Variants in NRG1 observed in about 807,000 individuals in gnomAD.
The protein encoded by NRG1 is pro-neuregulin-1, membrane-bound isoform.
NRG1 carries 18 observed loss-of-function variants against 63.8 expected under a neutral mutation model. The observed-to-expected ratio is 0.28, with a 90% CI of 0.19 to 0.42. NRG1 has a LOEUF of 0.42. Ranked by LOEUF, NRG1 falls within the 10% of genes least tolerant of loss-of-function variation. The pLI is 1.00. For missense variants in NRG1, 762 were observed against 814.7 expected (o/e 0.94, Z 0.79); for synonymous variants, 302 against 301.3 (o/e 1.00, Z -0.02).
chr8:32,453,516 G>A (rs775453100), intron 1 of NRG1, among the ~76,000 whole-genome samples: 3 of 152,168 alleles, frequency 2.0e-5, no homozygotes, highest in Admixed American at 6.5e-5. Context: ...CAGGAGAAGA[G>A]CAAATGCAAG....
At chr8:32,549,235 C>A (rs1041773786) in intron 1 of NRG1, among the ~76,000 whole-genome samples, 15 of 152,254 alleles carry the variant, frequency 9.9e-5, no homozygotes, top group African/African-American at 3.4e-4. Flanking sequence ...TGCCCTCTAG[C>A]GGGAAACGCT....
intron 1 of NRG1, among the ~76,000 whole-genome samples, chr8:31,831,094 C>T (rs560899304): frequency 3.4e-4 from 52 of 151,592 alleles, no homozygotes; most frequent in South Asian, 6.2e-4. Flanking sequence ...TGCTGCTGCT[C>T]CTCCTCTTTC....
intron 1 of NRG1, among the ~76,000 whole-genome samples, chr8:32,303,817 TGAA>T (rs1236529625): frequency 6.6e-6 from 1 of 152,222 alleles, no homozygotes; most frequent in African/African-American, 2.4e-5. Context: ...TACTGCATCA[TGAA>T]GAAACCTAAC....
At chr8:32,437,431 G>A (rs1003572702) in intron 1 of NRG1, among the ~76,000 whole-genome samples, 4 of 152,156 alleles carry the variant, frequency 2.6e-5, no homozygotes, top group Admixed American at 1.3e-4. Context: ...TGACAGAAAG[G>A]ATAGGTCATG....
At chr8:32,751,622 G>C (rs1470482533) in intron 7 of NRG1, among the ~76,000 whole-genome samples, 1 of 152,144 alleles carries the variant, frequency 6.6e-6, no homozygotes, top group Non-Finnish European at 1.5e-5. Context: ...AAGGGTTGTA[G>C]TGCATCTGGT....
downstream of NRG1, among the ~76,000 whole-genome samples, chr8:32,768,972 C>T (rs1244787594): frequency 6.6e-6 from 1 of 152,132 alleles, no homozygotes; most frequent in Non-Finnish European, 1.5e-5. Context: ...CTAGTTTTTC[C>T]TATTTATATT....
chr8:32,136,509 T>C (rs1835546416), intron 1 of NRG1, among the ~76,000 whole-genome samples: 1 of 152,234 alleles, frequency 6.6e-6, no homozygotes, highest in South Asian at 2.1e-4. Flanking sequence ...TCACAGATAG[T>C]AGGCCATTGT....
intron 1 of NRG1, among the ~76,000 whole-genome samples, chr8:32,052,703 C>T (rs1459350897): frequency 1.3e-5 from 2 of 152,130 alleles, no homozygotes; most frequent in Non-Finnish European, 2.9e-5. Context: ...CCTTAGTTTA[C>T]CTTGCTTTTG....
At chr8:32,164,254 A>AG (rs386412507) in intron 1 of NRG1, among the ~76,000 whole-genome samples, 1 of 151,712 alleles carries the variant, frequency 6.6e-6, no homozygotes, top group Non-Finnish European at 1.5e-5. Context: ...AAAGAAAAAA[A>AG]AAAACTCAAC....
chr8:32,334,963 G>C (rs113245306), intron 1 of NRG1, among the ~76,000 whole-genome samples: 3 of 152,234 alleles, frequency 2.0e-5, no homozygotes, highest in African/African-American at 7.2e-5. Flanking sequence ...GTCACTTTAA[G>C]TGTATTTCTC....
chr8:32,440,780 A>T (rs571369412), intron 1 of NRG1: 13 of 152,314 alleles, frequency 8.5e-5, no homozygotes, highest in African/African-American at 3.1e-4. Context: ...GTTCACCAAC[A>T]TGTATGCCAT....
At chr8:32,649,375 G>A (rs1381333815) in intron 5 of NRG1, among the ~76,000 whole-genome samples, 2 of 152,046 alleles carry the variant, frequency 1.3e-5, no homozygotes, top group African/African-American at 2.4e-5. Context: ...GTTTTCTGTA[G>A]CCTTTTAAAA....
At chr8:32,704,238 AGT>A (rs1370533889) in intron 5 of NRG1, among the ~76,000 whole-genome samples, 5 of 152,358 alleles carry the variant, frequency 3.3e-5, no homozygotes, top group African/African-American at 9.6e-5. Flanking sequence ...TTAAGTAAAA[AGT>A]GTGACCACTT....
chr8:31,946,162 C>A (rs975515213), intron 1 of NRG1, among the ~76,000 whole-genome samples: 1 of 152,190 alleles, frequency 6.6e-6, no homozygotes, highest in Admixed American at 6.5e-5. Flanking sequence ...AACAATTCAT[C>A]ATTTGTCTGA....
chr8:31,755,985 G>GAA (rs1484535395), intron 1 of NRG1, among the ~76,000 whole-genome samples: 1 of 152,080 alleles, frequency 6.6e-6, no homozygotes, highest in African/African-American at 2.4e-5. Flanking sequence ...GAGAGAAGCT[G>GAA]AAATTATTTA....
intron 1 of NRG1, among the ~76,000 whole-genome samples, chr8:32,172,775 A>G (rs1477117894): frequency 6.6e-6 from 1 of 152,222 alleles, no homozygotes; most frequent in Non-Finnish European, 1.5e-5. Context: ...TGAAGCAAGA[A>G]GAGAAGTTTA....
At chr8:32,657,408 C>T (rs1393652093) in intron 5 of NRG1, among the ~76,000 whole-genome samples, 1 of 152,120 alleles carries the variant, frequency 6.6e-6, no homozygotes, top group East Asian at 1.9e-4. Flanking sequence ...CTCCACACTT[C>T]TCTCTCCCAC....
rs539688753 is a variant in NRG1 at position 32,283,350 on chromosome 8, A to G, written c.38-312478A>G. 1.4e-4 allele frequency among the ~76,000 whole-genome samples: 22 copies of G among 152,284 alleles called. No homozygotes were observed. The South Asian group carries it at 4.1e-3, about 29-fold the overall frequency. On this transcript the variant is annotated intron_variant, in intron 1 of 10. Transcript: ENST00000519301. ...TTTATGCATTACTGATATGACTTCT[A>G]ACATATAAGCTAGTTAACATCAAGA...
rs79709198 is a variant in NRG1, at chr8:32,424,529, G to A, written c.38-171299G>A. Among the ~76,000 whole-genome samples, 1,131 of 152,236 alleles carry A rather than the reference G, an allele frequency of 7.4e-3. 17 individuals carry two copies. The highest frequency in any genetic ancestry group is 0.025 in the African/African-American group (1,038 of 41,552). ...CAAAGTTCATATTCAAGTGAGTCAG[G>A]AGATCTGGTTTAAGTTCCAGATCTG... is the stretch of plus-strand genomic sequence containing the variant. On this transcript the variant is annotated intron_variant, in intron 1 of 10. Coordinates refer to the NRG1 transcript ENST00000519301.
Sources: allele counts gnomAD v4.1 joint callset (sites outside exome capture counted in the v4.1 genomes callset), GRCh38; gene constraint gnomAD v4.1.1; transcripts MANE v1.5; gene names NCBI Gene and HGNC (gene_info 2026-07-23, HGNC 2026-07-21).